PTH2R: variants seen among roughly 807,000 people sequenced by gnomAD.
The protein encoded by PTH2R is parathyroid hormone 2 receptor, also known as PTH2 receptor.
PTH2R carries 59 observed loss-of-function variants against 60.3 expected under a neutral mutation model. The observed-to-expected ratio is 0.98, with a 90% CI of 0.79 to 1.22. The LOEUF is 1.22. PTH2R is among the 50% of genes most tolerant of loss of function. The pLI, the probability that PTH2R is intolerant of heterozygous loss-of-function variation, is 0.00. For missense variants in PTH2R, 749 were observed against 682.6 expected (o/e 1.10, Z -1.08); for synonymous variants, 256 against 243.8 (o/e 1.05, Z -0.47).
At chr2:208,379,407 G>A (rs926103034) in intron 1 of PTH2R, among the ~76,000 whole-genome samples, 1 of 152,044 alleles carries the variant, frequency 6.6e-6, no homozygotes, top group African/African-American at 2.4e-5. Context: ...AATTAATTCA[G>A]CCTGTATTTC....
At chr2:208,430,531 T>TTTTC (rs1352708783) in intron 2 of PTH2R, among the ~76,000 whole-genome samples, 1 of 151,140 alleles carries the variant, frequency 6.6e-6, no homozygotes, top group Non-Finnish European at 1.5e-5. Flanking sequence ...GTGATTAGCT[T>TTTTC]TTTCTGTCTG....
chr2:208,367,457 G>C (rs1700615986), intron 1 of PTH2R, among the ~76,000 whole-genome samples: 1 of 114,892 alleles, frequency 8.7e-6, no homozygotes, highest in South Asian at 2.7e-4. Flanking sequence ...CAGAGTCACT[G>C]TCACCCAGGC....
At chr2:208,395,059 T>TA (rs1183307230) in intron 1 of PTH2R, among the ~76,000 whole-genome samples, 1 of 151,902 alleles carries the variant, frequency 6.6e-6, no homozygotes, top group African/African-American at 2.4e-5. Context: ...TTTTTATTTT[T>TA]TTTTTTGAGA....
At chr2:208,483,017 A>C (rs971704218) in intron 10 of PTH2R, among the ~76,000 whole-genome samples, 3 of 152,198 alleles carry the variant, frequency 2.0e-5, no homozygotes, top group African/African-American at 7.2e-5. Flanking sequence ...CCTGCATGCA[A>C]CTTTGTATTT....
At chr2:208,386,817 C>T (rs1701011665) in intron 1 of PTH2R, among the ~76,000 whole-genome samples, 1 of 152,162 alleles carries the variant, frequency 6.6e-6, no homozygotes, top group African/African-American at 2.4e-5. Context: ...GTTCTATCCA[C>T]CATGACCTAA....
At chr2:208,380,924 A>G (rs1280656215) in intron 1 of PTH2R, among the ~76,000 whole-genome samples, 3 of 152,096 alleles carry the variant, frequency 2.0e-5, no homozygotes, top group Admixed American at 6.5e-5. Context: ...TGGTGAGAAA[A>G]TGGATGCTCT....
intron 9 of PTH2R, among the ~76,000 whole-genome samples, chr2:208,479,679 TC>T (rs943802556): frequency 2.6e-5 from 4 of 152,144 alleles, no homozygotes; most frequent in Non-Finnish European, 5.9e-5. Flanking sequence ...AATCCTCAAC[TC>T]TCATGTTTTG....
At chr2:208,415,966 A>C (rs979558498) in intron 1 of PTH2R, among the ~76,000 whole-genome samples, 4 of 152,220 alleles carry the variant, frequency 2.6e-5, no homozygotes, top group Non-Finnish European at 5.9e-5. Flanking sequence ...TTTGAAAAGA[A>C]TAGAGTTGAG....
upstream of PTH2R, among the ~76,000 whole-genome samples, chr2:208,405,034 C>G (rs966146443): frequency 6.6e-6 from 1 of 152,138 alleles, no homozygotes; most frequent in African/African-American, 2.4e-5. Context: ...ATCAGAGCAG[C>G]CTTACATGGA....
intron 1 of PTH2R, among the ~76,000 whole-genome samples, chr2:208,395,058 T>A (rs1417835925): frequency 6.6e-6 from 1 of 151,912 alleles, no homozygotes; most frequent in Non-Finnish European, 1.5e-5. Flanking sequence ...TTTTTTATTT[T>A]TTTTTTTGAG....
intron 1 of PTH2R, among the ~76,000 whole-genome samples, chr2:208,361,988 TGAA>T (rs1178841004): frequency 6.6e-6 from 1 of 152,174 alleles, no homozygotes; most frequent in African/African-American, 2.4e-5. Context: ...GGCTGAATAA[TGAA>T]GATCTGCCCT....
chr2:208,463,592 C>T (rs1702675353), intron 9 of PTH2R, among the ~76,000 whole-genome samples: 1 of 150,002 alleles, frequency 6.7e-6, no homozygotes, highest in African/African-American at 2.5e-5. Context: ...CACTGGGCTG[C>T]ATTAGGAACA....
intron 2 of PTH2R, among the ~76,000 whole-genome samples, chr2:208,430,975 C>T (rs866395496): frequency 3.3e-5 from 5 of 152,170 alleles, no homozygotes; most frequent in South Asian, 4.2e-4. Context: ...TATCTTTATT[C>T]GGTGATTGGA....
chr2:208,378,248 C>A (rs6435459), intron 1 of PTH2R, among the ~76,000 whole-genome samples: 146,687 of 149,236 alleles, frequency 0.98, 72,123 homozygotes, highest in East Asian at 1. Flanking sequence ...CGGCGCGCAC[C>A]TGCAATCCCA....
At chr2:208,440,509 T>C (rs1702160839) in intron 4 of PTH2R, among the ~76,000 whole-genome samples, 1 of 152,174 alleles carries the variant, frequency 6.6e-6, no homozygotes, top group African/African-American at 2.4e-5. Context: ...GTCGCAACAA[T>C]AAGTTGGCTT....
chr2:208,462,044 T>C (rs562049052), intron 9 of PTH2R, among the ~76,000 whole-genome samples: 4 of 152,314 alleles, frequency 2.6e-5, no homozygotes, highest in African/African-American at 9.6e-5. Flanking sequence ...ATCTCAAAAA[T>C]CACAGCTGAG....
chr2:208,379,395 ATAAT>A (rs1700870013), intron 1 of PTH2R, among the ~76,000 whole-genome samples: 1 of 152,168 alleles, frequency 6.6e-6, no homozygotes, highest in Admixed American at 6.5e-5. Flanking sequence ...GAAATACTTA[ATAAT>A]TAATTCAGCC....
At position 208,493,442 on chromosome 2, in the gene PTH2R, C is replaced by A. The variant is rs1240651334; in HGVS notation, c.1436C>A (p.Ala479Asp). Residue 479 changes from alanine to aspartate, a missense_variant, in exon 13 of 13, where the codon GCC becomes GAC. Transcript: ENST00000272847. ...TRMVLISGKA[A>D]KIASRQPDSH... The stretch of plus-strand genomic sequence containing the variant: ...ATGGTGCTTATCTCTGGCAAAGCTG[C>A]CAAGATCGCCAGCAGACAGCCTGAC... The A allele has an allele frequency of 6.2e-7, 1 of 1,609,682 alleles. No homozygotes were observed. The highest frequency in any genetic ancestry group is 8.5e-7 in the Non-Finnish European group (1 of 1,177,426).
At position 208,481,157 on chromosome 2, in the gene PTH2R, C is replaced by A; in HGVS notation, c.1069C>A (p.Gln357Lys). Reference sequence around the variant, plus strand: ...TGCAGTTGGGCATGACACAAGGAAGCAATACAGGTAATTTCAGGAGAGGCA... The same window carrying A: ...TGCAGTTGGGCATGACACAAGGAAGAAATACAGGTAATTTCAGGAGAGGCA... ...TNAVGHDTRK[Q>K]YRKLAKSTLV... The change falls in exon 10 of 13, where the codon CAA becomes AAA. Residue 357 changes from glutamine to lysine, a missense_variant. Coordinates refer to ENST00000272847, the MANE Select transcript of PTH2R (RefSeq NM_005048.4). 1 of 1,599,328 alleles carries A rather than the reference C, an allele frequency of 6.3e-7. No homozygotes were observed. Among genetic ancestry groups the A allele is most frequent in the Non-Finnish European group, 8.6e-7 (1 of 1,168,756 alleles).
Sources: gnomAD v4.1 joint callset for allele counts (sites outside exome capture counted in the v4.1 genomes callset) on GRCh38, gnomAD v4.1.1 for gene constraint, MANE v1.5 for transcripts, NCBI Gene and HGNC (gene_info 2026-07-23, HGNC 2026-07-21) for gene names.